Variants in CNBD1 observed in about 807,000 individuals in gnomAD.
CNBD1 encodes cyclic nucleotide-binding domain-containing protein 1.
A neutral mutation model predicts 54.4 loss-of-function variants in CNBD1; 71 were observed. The ratio of observed to expected loss-of-function variants is 1.30; its 90% CI spans 1.08 to 1.59. The LOEUF (loss-of-function observed/expected upper bound fraction) is 1.59, where lower values mean the gene tolerates loss of function less well. Ranked by LOEUF, CNBD1 falls within the 40% of genes most tolerant of loss-of-function variation. The pLI, the probability that CNBD1 is intolerant of heterozygous loss-of-function variation, is 0.00. For missense variants in CNBD1, 659 were observed against 518.0 expected, an observed-to-expected ratio of 1.27 and a Z score of -2.64; for synonymous variants, 182 against 170.7, an observed-to-expected ratio of 1.07 and a Z score of -0.51.
intron 2 of CNBD1, among the ~76,000 whole-genome samples, chr8:87,411,812 C>A (rs1346771713): frequency 1.3e-5 from 2 of 151,578 alleles, no homozygotes; most frequent in Non-Finnish European, 2.9e-5. Context: ...TAAATGCCAT[C>A]TTAGTGACAT....
At chr8:87,243,950 T>A (rs942250570) in intron 6 of CNBD1, among the ~76,000 whole-genome samples, 46 of 152,210 alleles carry the variant, frequency 3.0e-4, no homozygotes, top group African/African-American at 8.2e-4. Flanking sequence ...TTAAAAAAAA[T>A]TTTGTATAAA....
intron 4 of CNBD1, among the ~76,000 whole-genome samples, chr8:87,040,324 T>G (rs1347721151): frequency 1.3e-5 from 2 of 152,242 alleles, no homozygotes; most frequent in Non-Finnish European, 2.9e-5. Flanking sequence ...AGGTCAGATT[T>G]CTTTGACTGT....
chr8:87,326,129 A>AC (rs2130904902), intron 8 of CNBD1, among the ~76,000 whole-genome samples: 1 of 130,062 alleles, frequency 7.7e-6, no homozygotes, highest in South Asian at 2.4e-4. Flanking sequence ...TTGAATATTG[A>AC]CCCCCACTCT....
At chr8:86,928,289 T>C (rs757007828) in intron 3 of CNBD1, among the ~76,000 whole-genome samples, 21 of 152,180 alleles carry the variant, frequency 1.4e-4, no homozygotes, top group Admixed American at 3.9e-4. Context: ...ACCCCCATTT[T>C]GTGAAGAGAA....
At chr8:86,940,131 A>AATTTTTTTTTTTTTT (rs1563830029) in intron 4 of CNBD1, among the ~76,000 whole-genome samples, 1 of 26,770 alleles carries the variant, frequency 3.7e-5, no homozygotes, top group African/African-American at 1.0e-4. Flanking sequence ...ACCACATGTT[A>AATTTTTTTTTTTTTT]CTTTTTTTTT....
intron 4 of CNBD1, among the ~76,000 whole-genome samples, chr8:86,989,592 A>C (rs1235193482): frequency 6.6e-6 from 1 of 152,138 alleles, no homozygotes; most frequent in Non-Finnish European, 1.5e-5. Context: ...CTGGGATTAC[A>C]GGCACATGCC....
intron 6 of CNBD1, among the ~76,000 whole-genome samples, chr8:87,262,791 T>A (rs1586373397): frequency 6.6e-6 from 1 of 152,352 alleles, no homozygotes; most frequent in East Asian, 1.9e-4. Context: ...TCTGTTCTGT[T>A]AAGTGATTGT....
chr8:86,964,596 C>T (rs189700992), intron 4 of CNBD1, among the ~76,000 whole-genome samples: 7 of 152,250 alleles, frequency 4.6e-5, no homozygotes, highest in African/African-American at 1.7e-4. Context: ...TGCTGTAAGC[C>T]CTGAAGAGAA....
intron 4 of CNBD1, among the ~76,000 whole-genome samples, chr8:86,971,814 A>T (rs971859875): frequency 6.6e-6 from 1 of 152,174 alleles, no homozygotes; most frequent in East Asian, 1.9e-4. Flanking sequence ...AACTGCCTCA[A>T]TGAACACATA....
intron 6 of CNBD1, among the ~76,000 whole-genome samples, chr8:87,248,067 C>T (rs547541338): frequency 1.3e-5 from 2 of 152,230 alleles, no homozygotes; most frequent in Admixed American, 6.5e-5. Flanking sequence ...TGTTCTGCAG[C>T]TGTGGTGTTG....
rs545024587 is a variant in CNBD1 at position 86,943,335 on chromosome 8, C to A, written c.431+3581C>A. 2.1e-5 allele frequency among the ~76,000 whole-genome samples: 3 copies of A among 140,134 alleles called. No individual in the cohort carries two copies. The South Asian group carries it at 6.7e-4, about 32-fold the overall frequency. The allele number at this position is 140,134 out of a possible 152,430, so 91.9% of individuals were successfully genotyped here. On this transcript the variant is annotated intron_variant, in intron 4 of 10. Coordinates refer to ENST00000518476, the MANE Select transcript of CNBD1 (RefSeq NM_173538.3). ...CGAGCCGAGATTGGGCCACTGCACTCCAGCCTGGTGACAGAGCAAGACTCC... is the reference window on the plus strand; with the variant it reads ...CGAGCCGAGATTGGGCCACTGCACTACAGCCTGGTGACAGAGCAAGACTCC...
intron 8 of CNBD1, among the ~76,000 whole-genome samples, chr8:87,343,758 C>A (rs1047938456): frequency 6.6e-6 from 1 of 152,036 alleles, no homozygotes; most frequent in Non-Finnish European, 1.5e-5. Context: ...ATAATATATT[C>A]TATGGGTTTT....
chr8:86,994,262 A>G (rs1182788817), intron 4 of CNBD1, among the ~76,000 whole-genome samples: 1 of 152,204 alleles, frequency 6.6e-6, no homozygotes, highest in Admixed American at 6.5e-5. Flanking sequence ...AAGTGATACT[A>G]GGTCACTGGG....
At chr8:86,992,243 A>T (rs1743095041) in intron 4 of CNBD1, among the ~76,000 whole-genome samples, 1 of 151,966 alleles carries the variant, frequency 6.6e-6, no homozygotes, top group African/African-American at 2.4e-5. Context: ...TTTTAAAATT[A>T]TACGCCTTAT....
chr8:87,304,903 C>T (rs1809109182), intron 8 of CNBD1, among the ~76,000 whole-genome samples: 1 of 151,918 alleles, frequency 6.6e-6, no homozygotes, highest in Admixed American at 6.6e-5. Context: ...TACTGGAAAT[C>T]CTTATCAGAG....
In CNBD1 at chr8:87,109,638, ACG is replaced by A. The variant is rs1181342831; in HGVS notation, c.432-96353_432-96352del. Among the ~76,000 whole-genome samples, 10 of 148,610 alleles carry A rather than the reference ACG, an allele frequency of 6.7e-5. No individual in the cohort carries two copies. In the East Asian group the frequency reaches 2.0e-3, roughly 30 times the overall value. ...ACTGCAAGCTCCGCCTCCTGGGTTC[ACG>A]CCATTCTCCTGCCTCAGCCTCCCGA... On this transcript the variant is annotated intron_variant, in intron 4 of 10. Coordinates refer to ENST00000518476, the MANE Select transcript of CNBD1 (RefSeq NM_173538.3).
intron 2 of CNBD1, among the ~76,000 whole-genome samples, chr8:87,390,892 T>C (rs948329851): frequency 2.6e-5 from 4 of 152,150 alleles, no homozygotes; most frequent in Admixed American, 6.6e-5. Context: ...ACATATACAC[T>C]ATGTAATACT....
At chr8:86,920,420 C>T (rs1809252685) in intron 3 of CNBD1, among the ~76,000 whole-genome samples, 1 of 152,106 alleles carries the variant, frequency 6.6e-6, no homozygotes, top group Admixed American at 6.6e-5. Flanking sequence ...AAATCATTTT[C>T]TCTTAGTTTG....
chr8:87,396,405 C>T (rs780527449), intron 2 of CNBD1, among the ~76,000 whole-genome samples: 3 of 151,836 alleles, frequency 2.0e-5, no homozygotes, highest in African/African-American at 7.2e-5. Flanking sequence ...ATCTACATGC[C>T]TAACTTATAA....
Sources: allele counts gnomAD v4.1 joint callset (sites outside exome capture counted in the v4.1 genomes callset), GRCh38; gene constraint gnomAD v4.1.1; transcripts MANE v1.5; gene names NCBI Gene and HGNC (gene_info 2026-07-23, HGNC 2026-07-21).